The following PTER variants were observed in gnomAD, a reference collection of about 807,000 sequenced individuals.
The protein encoded by PTER is phosphotriesterase related.
PTER carries 38 observed loss-of-function variants against 29.6 expected under a neutral mutation model. That is an observed-to-expected ratio of 1.28 (90% CI 0.99 to 1.68). PTER has a LOEUF of 1.68. Among genes scored for constraint, PTER ranks in the 40% most tolerant of loss-of-function variants. The pLI is 0.00. For missense variants in PTER, 482 were observed against 427.8 expected (o/e 1.13, Z -1.12); for synonymous variants, 172 against 154.5 (o/e 1.11, Z -0.84).
chr10:16,442,773 A>G (rs1214171472), intron 1 of PTER, among the ~76,000 whole-genome samples: 2 of 152,184 alleles, frequency 1.3e-5, no homozygotes, highest in Non-Finnish European at 2.9e-5. Flanking sequence ...TGAGGTCAAG[A>G]GTTCGATACC....
At chr10:16,458,027 TTC>T (rs1834475632) in intron 1 of PTER, among the ~76,000 whole-genome samples, 1 of 152,240 alleles carries the variant, frequency 6.6e-6, no homozygotes, top group Non-Finnish European at 1.5e-5. Flanking sequence ...TGTCTGCTTT[TTC>T]TGTCTCTAAG....
intron 1 of PTER, among the ~76,000 whole-genome samples, chr10:16,440,390 G>A (rs1213126687): frequency 1.3e-5 from 2 of 151,710 alleles, no homozygotes; most frequent in Admixed American, 1.3e-4. Context: ...CTCATTCATA[G>A]ACATCATCTC....
chr10:16,500,595 G>T (rs1202839330), intron 3 of PTER, among the ~76,000 whole-genome samples: 2 of 152,186 alleles, frequency 1.3e-5, no homozygotes, highest in African/African-American at 4.8e-5. Context: ...AATCTTATGG[G>T]ACAGTGTTAG....
rs188260585 is a variant in PTER at position 16,502,884 on chromosome 10, G to A, written c.699-2136G>A. 6.6e-5 allele frequency among the ~76,000 whole-genome samples: 10 copies of A among 150,526 alleles called. 1 individual carries two copies. The highest frequency in any genetic ancestry group is 2.4e-4 in the African/African-American group (10 of 40,926). ...CACACCTGTAGTCCCAGCTACTCGG[G>A]AGGCTGAAGCAAGAGAATCACTTGA... On this transcript the variant is annotated intron_variant, in intron 3 of 4. Coordinates refer to ENST00000535784, the MANE Select transcript of PTER (RefSeq NM_001261836.2).
At chr10:16,441,869 A>G (rs941818689) in intron 1 of PTER, among the ~76,000 whole-genome samples, 2 of 151,176 alleles carry the variant, frequency 1.3e-5, no homozygotes, top group African/African-American at 2.4e-5. Flanking sequence ...CCTCCACTGA[A>G]TTCACTTACA....
intron 1 of PTER, among the ~76,000 whole-genome samples, chr10:16,463,472 C>A (rs1564391347): frequency 6.6e-6 from 1 of 152,126 alleles, no homozygotes; most frequent in East Asian, 1.9e-4. Context: ...AGTGCCATGG[C>A]AGGCGCGATC....
chr10:16,471,567 G>A (rs543998954), intron 1 of PTER, among the ~76,000 whole-genome samples: 239 of 152,136 alleles, frequency 1.6e-3, no homozygotes, highest in African/African-American at 5.3e-3. Flanking sequence ...CATACACTCC[G>A]TATAAATTTT....
chr10:16,456,723 T>A (rs1186433990), intron 1 of PTER, among the ~76,000 whole-genome samples: 1 of 152,094 alleles, frequency 6.6e-6, no homozygotes, highest in Non-Finnish European at 1.5e-5. Flanking sequence ...GGGCTGTGGC[T>A]GTGTCCATTG....
At chr10:16,496,421 C>T (rs1460348120) in intron 3 of PTER, among the ~76,000 whole-genome samples, 2 of 152,202 alleles carry the variant, frequency 1.3e-5, no homozygotes, top group Admixed American at 1.3e-4. Flanking sequence ...GCCACACTGA[C>T]CATGTCTTTG....
intron 3 of PTER, among the ~76,000 whole-genome samples, chr10:16,499,274 C>T (rs1419217229): frequency 2.0e-5 from 3 of 152,054 alleles, no homozygotes; most frequent in Non-Finnish European, 4.4e-5. Flanking sequence ...TTATTAATAT[C>T]TCATACCACA....
intron 1 of PTER, among the ~76,000 whole-genome samples, chr10:16,440,171 T>G (rs540614825): frequency 6.6e-6 from 1 of 151,620 alleles, no homozygotes; most frequent in African/African-American, 2.4e-5. Flanking sequence ...GTTTAAGTGA[T>G]TCTCCTGCAT....
intron 4 of PTER, among the ~76,000 whole-genome samples, chr10:16,508,984 G>T (rs996270520): frequency 6.6e-6 from 1 of 152,156 alleles, no homozygotes; most frequent in African/African-American, 2.4e-5. Flanking sequence ...GAAATTCTGT[G>T]TCTAACACCT....
At chr10:16,442,159 G>A (rs1833871777) in intron 1 of PTER, among the ~76,000 whole-genome samples, 3 of 152,044 alleles carry the variant, frequency 2.0e-5, no homozygotes, top group African/African-American at 7.2e-5. Flanking sequence ...AAAATCCTTG[G>A]TGTTACTGTG....
At chr10:16,462,558 C>T (rs948181543) in intron 1 of PTER, among the ~76,000 whole-genome samples, 1 of 149,632 alleles carries the variant, frequency 6.7e-6, no homozygotes, top group Non-Finnish European at 1.5e-5. Context: ...GCTGTGTCTT[C>T]CACATAATCT....
intron 1 of PTER, among the ~76,000 whole-genome samples, chr10:16,474,613 C>T (rs557237473): frequency 1.3e-5 from 2 of 152,106 alleles, no homozygotes; most frequent in South Asian, 4.2e-4. Flanking sequence ...TTTGGTCAGG[C>T]TTCGTGGGTG....
chr10:16,517,759 C>T (rs1051370494), downstream of PTER, among the ~76,000 whole-genome samples: 11 of 152,154 alleles, frequency 7.2e-5, no homozygotes, highest in Admixed American at 6.5e-4. Context: ...GAGGATCTAT[C>T]ATTAGAGATC....
chr10:16,468,836 G>A (rs1049867663), intron 1 of PTER, among the ~76,000 whole-genome samples: 2 of 151,972 alleles, frequency 1.3e-5, no homozygotes, highest in Non-Finnish European at 2.9e-5. Context: ...ATAATTGGGT[G>A]TGGCAACGTG....
intron 3 of PTER, among the ~76,000 whole-genome samples, chr10:16,494,598 G>C (rs1836022346): frequency 6.6e-6 from 1 of 152,150 alleles, no homozygotes; most frequent in Non-Finnish European, 1.5e-5. Context: ...CTACGTATTT[G>C]GTCATAAACT....
At position 16,495,313 on chromosome 10, in the gene PTER, A is replaced by G. The variant is rs1472902655; in HGVS notation, c.698+8696A>G. Among the ~76,000 whole-genome samples the G allele has an allele frequency of 3.3e-5, 5 of 151,976 alleles. No homozygotes were observed. The East Asian group carries it at 9.7e-4, about 29-fold the overall frequency. The stretch of plus-strand genomic sequence containing the variant: ...AGCCTCCTAAGTAGCTGAGATTACA[A>G]GCGTGCACTACCACGCTCAGCCAAT... On this transcript the variant is annotated intron_variant, in intron 3 of 4. Coordinates refer to ENST00000535784, the MANE Select transcript of PTER (RefSeq NM_001261836.2).
Sources: gnomAD v4.1 joint callset for allele counts (sites outside exome capture counted in the v4.1 genomes callset) on GRCh38, gnomAD v4.1.1 for gene constraint, MANE v1.5 for transcripts, NCBI Gene and HGNC (gene_info 2026-07-23, HGNC 2026-07-21) for gene names.